The following NCOR1 variants were observed in gnomAD, a reference collection of about 807,000 sequenced individuals.
The protein encoded by NCOR1 is protein phosphatase 1, regulatory subunit 109.
Under a neutral mutation model 288.1 loss-of-function variants are expected in NCOR1, and 63 were observed. That is an observed-to-expected ratio of 0.22 (90% CI 0.18 to 0.27). NCOR1 has a LOEUF of 0.27. Ranked by LOEUF, NCOR1 falls within the 10% of genes least tolerant of loss-of-function variation. The pLI is 1.00. For synonymous variants in NCOR1, 1,007 were observed against 1,065.9 expected, an observed-to-expected ratio of 0.94 and a Z score of 1.08; for missense variants, 2,397 against 3,019.2, an observed-to-expected ratio of 0.79 and a Z score of 4.83.
rs929844742 is a variant in NCOR1, at chr17:16,076,097, T to A, written c.3502-395A>T. ...GTTGTTGAAATTTGCCGTTTGATAC[T>A]GGAATACATTCTTAAATAAATGTGG... On this transcript the variant is annotated intron_variant, in intron 26 of 45. Transcript: ENST00000268712. 2.0e-5 allele frequency among the ~76,000 whole-genome samples: 3 copies of A among 152,260 alleles called. No homozygotes were observed. The South Asian group carries it at 6.2e-4, about 32-fold the overall frequency.
At chr17:16,038,864 G>A (rs929664591) in intron 44 of NCOR1, among the ~76,000 whole-genome samples, 1 of 152,078 alleles carries the variant, frequency 6.6e-6, no homozygotes, top group African/African-American at 2.4e-5. Context: ...TCCGCCTCTC[G>A]GGTTCAAGCA....
At chr17:16,106,854 C>CATATATATATATATATAT (rs1162344281) in intron 19 of NCOR1, among the ~76,000 whole-genome samples, 12 of 46,154 alleles carry the variant, frequency 2.6e-4, no homozygotes, top group Admixed American at 7.7e-4. Flanking sequence ...CTTGATCAGA[C>CATATATATATATATATAT]ATATATATAT....
At chr17:16,115,917 T>G (rs948863860) in intron 18 of NCOR1, among the ~76,000 whole-genome samples, 2 of 152,122 alleles carry the variant, frequency 1.3e-5, no homozygotes, top group East Asian at 1.9e-4. Context: ...CAGTACCAAT[T>G]TATTGTATTA....
intron 8 of NCOR1, 87 bp from the exon 9 acceptor site, chr17:16,149,604 T>C (rs956658886): frequency 5.3e-5 from 28 of 524,556 alleles, no homozygotes; most frequent in African/African-American, 3.1e-4. Context: ...CACTGGAAAA[T>C]AGGCAAAGAT....
chr17:16,044,870 T>G, intron 42 of NCOR1: 4 of 782,034 alleles, frequency 5.1e-6, no homozygotes, highest in Non-Finnish European at 2.2e-6. Context: ...CCCACTCCAC[T>G]GCTGCTGCTC....
In NCOR1 at chr17:16,127,349, A is replaced by G. The variant is rs867547379; in HGVS notation, c.1510-1143T>C. ...TGTATGTATATATACATGTATGTATATATGTATGTATATATACATGTATGT... is the reference window on the plus strand; with the variant it reads ...TGTATGTATATATACATGTATGTATGTATGTATGTATATATACATGTATGT... On this transcript the variant is annotated intron_variant, in intron 14 of 45. Transcript: ENST00000268712. Among the ~76,000 whole-genome samples the G allele has an allele frequency of 8.4e-4, 107 of 127,984 alleles. 28 individuals carry two copies. Among genetic ancestry groups the G allele is most frequent in the African/African-American group, 3.7e-3 (99 of 26,908 alleles). 84.0% of individuals were successfully genotyped at this position (127,984 alleles called of 152,430 possible). A position where few individuals can be genotyped will look rare whatever the true frequency, so the allele number is the denominator to read the frequency against.
Position 16,080,184 on chromosome 17 carries a change from C to T in NCOR1, c.3401-120G>A, listed in dbSNP as rs565802164. The stretch of plus-strand genomic sequence containing the variant: ...AAGAAAAGAAAAAAGCAGCACAAAA[C>T]CCATCATGTTTGTTTTATTAAAATG... On this transcript the variant is annotated intron_variant, in intron 25 of 45. Coordinates refer to ENST00000268712, the MANE Select transcript of NCOR1 (RefSeq NM_006311.4). 417 of 859,878 alleles carry T rather than the reference C, an allele frequency of 4.8e-4. 1 individual carries two copies. The highest frequency in any genetic ancestry group is 1.4e-3 in the Admixed American group (48 of 35,136). 53.3% of individuals were successfully genotyped at this position (859,878 alleles called of 1,614,324 possible).
rs1270053265 is a variant in NCOR1, at chr17:16,114,161, A to C, written c.2055+3727T>G. Among the ~76,000 whole-genome samples the C allele has an allele frequency of 1.1e-4, 7 of 65,710 alleles. 1 individual carries two copies. In the South Asian group the frequency reaches 2.1e-3, roughly 19 times the overall value. The allele number at this position is 65,710 out of a possible 152,430, so 43.1% of individuals were successfully genotyped here. A position where few individuals can be genotyped will look rare whatever the true frequency, so the allele number is the denominator to read the frequency against. ...CGGCAGGCAAAAAAAAAAAAAAAAA[A>C]AAAAAAAACTTGTGCAGGGGAACTC... is the stretch of plus-strand genomic sequence containing the variant. On this transcript the variant is annotated intron_variant, in intron 18 of 45. Coordinates refer to ENST00000268712, the MANE Select transcript of NCOR1 (RefSeq NM_006311.4).
intron 22 of NCOR1, 120 bp from the exon 23 acceptor site, chr17:16,086,562 A>G (rs1481740585): frequency 5.9e-6 from 5 of 849,198 alleles, no homozygotes; most frequent in Non-Finnish European, 7.1e-6. Context: ...GATGAAACCA[A>G]CAATGAACAT....
intron 23 of NCOR1, among the ~76,000 whole-genome samples, chr17:16,082,479 AC>A (rs2063548736): frequency 6.6e-6 from 1 of 152,166 alleles, no homozygotes; most frequent in Admixed American, 6.5e-5. Flanking sequence ...ACTTTGGGAA[AC>A]CCAGGCAGGA....
At chr17:16,187,377 G>T (rs1226243277) in intron 2 of NCOR1, among the ~76,000 whole-genome samples, 11 of 151,498 alleles carry the variant, frequency 7.3e-5, no homozygotes, top group Middle Eastern at 3.2e-3. Flanking sequence ...TTTTTCATGG[G>T]TGCATTATTC....
intron 42 of NCOR1, among the ~76,000 whole-genome samples, chr17:16,043,691 A>C (rs984798946): frequency 1.1e-4 from 16 of 152,214 alleles, no homozygotes; most frequent in African/African-American, 3.6e-4. Flanking sequence ...ACAAAGGTGA[A>C]ATGATTTGCA....
intron 32 of NCOR1, 78 bp downstream of exon 32, chr17:16,067,816 G>T: frequency 7.4e-7 from 1 of 1,351,754 alleles, no homozygotes; most frequent in Non-Finnish European, 1.0e-6. Context: ...GTACTATATT[G>T]TACAACAACA....
intron 1 of NCOR1, among the ~76,000 whole-genome samples, chr17:16,206,668 G>A (rs1321434898): frequency 2.0e-5 from 3 of 152,188 alleles, no homozygotes; most frequent in African/African-American, 7.2e-5. Flanking sequence ...TAACAGGCAT[G>A]AGTCACCATG....
At chr17:16,111,857 CATTT>C (rs1246405583) in intron 18 of NCOR1, among the ~76,000 whole-genome samples, 2 of 150,786 alleles carry the variant, frequency 1.3e-5, no homozygotes, top group African/African-American at 2.5e-5. Flanking sequence ...ATATAACATA[CATTT>C]ATTTATTTAT....
At chr17:16,060,889 G>T (rs1037956211) in intron 37 of NCOR1, among the ~76,000 whole-genome samples, 1 of 152,148 alleles carries the variant, frequency 6.6e-6, no homozygotes, top group Non-Finnish European at 1.5e-5. Context: ...TAACACATTT[G>T]CAGTGTAGCC....
intron 14 of NCOR1, among the ~76,000 whole-genome samples, chr17:16,126,952 G>A (rs2074151249): frequency 1.3e-5 from 2 of 152,014 alleles, no homozygotes; most frequent in South Asian, 2.1e-4. Context: ...TATGAAAATG[G>A]GTAAGTGTAG....
At chr17:16,121,342 A>G (rs2153155165) in intron 15 of NCOR1, 73 bp from the exon 16 acceptor site, 27 of 1,241,544 alleles carry the variant, frequency 2.2e-5, no homozygotes, top group Non-Finnish European at 2.9e-5. Context: ...TTAGTTTTGA[A>G]TATTATCTAA....
chr17:16,108,909 A>T lies in NCOR1; in HGVS notation c.2059T>A (p.Ser687Thr). The T allele has an allele frequency of 6.3e-7, 1 of 1,585,814 alleles. No homozygotes were observed. Among genetic ancestry groups the T allele is most frequent in the Non-Finnish European group, 8.6e-7 (1 of 1,167,184 alleles). The change falls in exon 19 of 46, where the codon TCA becomes ACA. Residue 687 changes from serine to threonine, a missense_variant. By Grantham distance (58) the Ser-to-Thr change is moderately conservative. Transcript: ENST00000268712. ...TCTCGCTCTTCACGAGGTTTTCGTG[A>T]AGTCTAAAGGAGGAAAGAGTATTAT... Reference protein sequence around the residue: ...NLLQQHKQKTSRKPREERDVS... With the variant: ...NLLQQHKQKTTRKPREERDVS...
Sources: gnomAD v4.1 joint callset for allele counts (sites outside exome capture counted in the v4.1 genomes callset) on GRCh38, gnomAD v4.1.1 for gene constraint, MANE v1.5 for transcripts, NCBI Gene and HGNC (gene_info 2026-07-23, HGNC 2026-07-21) for gene names.